Variants in TMEM132E observed in about 807,000 individuals in gnomAD.
TMEM132E encodes the protein transmembrane protein 132E.
Under a neutral mutation model 78.5 loss-of-function variants are expected in TMEM132E, and 49 were observed. The observed-to-expected ratio is 0.62, with a 90% CI of 0.50 to 0.79. The LOEUF (loss-of-function observed/expected upper bound fraction) is 0.79. TMEM132E is among the 30% of genes least tolerant of loss of function. The probability of loss-of-function intolerance (pLI) is 0.00; values close to 1 mark genes in which losing one functional copy is unlikely to be tolerated. For missense variants in TMEM132E, 1,403 were observed against 1,470.9 expected, an observed-to-expected ratio of 0.95 and a Z score of 0.75; for synonymous variants, 715 against 670.6, an observed-to-expected ratio of 1.07 and a Z score of -1.02.
intron 5 of TMEM132E, among the ~76,000 whole-genome samples, chr17:34,631,674 C>T (rs760241071): frequency 5.9e-5 from 9 of 152,240 alleles, no homozygotes; most frequent in South Asian, 4.1e-4. Context: ...GAGCTGGCAG[C>T]GTTTGGGATG....
intron 1 of TMEM132E, among the ~76,000 whole-genome samples, chr17:34,618,964 T>C (rs554178989): frequency 4.8e-4 from 73 of 152,324 alleles, no homozygotes; most frequent in South Asian, 1.9e-3. Context: ...CTCTTCTTTA[T>C]ACCCTTGGCC....
chr17:34,616,882 G>C (rs1417211824), intron 1 of TMEM132E, among the ~76,000 whole-genome samples: 1 of 152,224 alleles, frequency 6.6e-6, no homozygotes, highest in East Asian at 1.9e-4. Flanking sequence ...TGGTATCTTT[G>C]TGCAATTTAG....
chr17:34,583,023 C>G (rs1905548155), intron 1 of TMEM132E, among the ~76,000 whole-genome samples: 1 of 152,248 alleles, frequency 6.6e-6, no homozygotes, highest in African/African-American at 2.4e-5. Context: ...AGACGCAGTT[C>G]CAGCTGGGCC....
chr17:34,623,864 G>A lies in TMEM132E; in HGVS notation c.68-2263G>A, dbSNP rs1214826271. On this transcript the variant is annotated intron_variant, in intron 1 of 8. Transcript: ENST00000631683. Reference sequence around the variant, plus strand: ...TCCCCAGGCTGCAGGGACACGTTATGAGACCTAGGCACCAGCCAGAAAAGC... The same window carrying A: ...TCCCCAGGCTGCAGGGACACGTTATAAGACCTAGGCACCAGCCAGAAAAGC... Among the ~76,000 whole-genome samples the A allele has an allele frequency of 2.6e-5, 4 of 152,154 alleles. No homozygotes were observed. The East Asian group carries it at 7.7e-4, about 29-fold the overall frequency.
intron 1 of TMEM132E, among the ~76,000 whole-genome samples, chr17:34,622,374 C>G (rs1172589982): frequency 1.3e-5 from 2 of 152,202 alleles, no homozygotes; most frequent in East Asian, 3.9e-4. Flanking sequence ...GACTGAAGGG[C>G]CCCAGCAGGA....
At position 34,623,167 on chromosome 17, in the gene TMEM132E, AG is replaced by A. The variant is rs1004921947; in HGVS notation, c.68-2953del. Among the ~76,000 whole-genome samples, 4 of 152,206 alleles carry A rather than the reference AG, an allele frequency of 2.6e-5. No individual in the cohort carries two copies. In the East Asian group the frequency reaches 7.7e-4, roughly 29 times the overall value. On this transcript the variant is annotated intron_variant, in intron 1 of 8. Transcript: ENST00000631683. The stretch of plus-strand genomic sequence containing the variant: ...GTTTTGCCAGACCAGGTCCTCCCCC[AG>A]GGGGGGTGAGGGGATCCGGGTGGGG...
At position 34,605,067 on chromosome 17, in the gene TMEM132E, T is replaced by C. The variant is rs192626800; in HGVS notation, c.68-21060T>C. 3.9e-3 allele frequency among the ~76,000 whole-genome samples: 598 copies of C among 152,316 alleles called. 2 individuals carry two copies. Among genetic ancestry groups the C allele is most frequent in the Non-Finnish European group, 6.6e-3 (448 of 68,028 alleles). Reference sequence around the variant, plus strand: ...GCTGTCCAGAATCACTGGGTGATCCTGGATGGGGCCTGTGATTTCGTAGGC... The same window carrying C: ...GCTGTCCAGAATCACTGGGTGATCCCGGATGGGGCCTGTGATTTCGTAGGC... On this transcript the variant is annotated intron_variant, in intron 1 of 8. Coordinates refer to ENST00000631683, the MANE Select transcript of TMEM132E (RefSeq NM_001304438.2).
At chr17:34,631,315 C>G (rs369100124) in intron 5 of TMEM132E, among the ~76,000 whole-genome samples, 2 of 152,072 alleles carry the variant, frequency 1.3e-5, no homozygotes, top group Admixed American at 6.5e-5. Context: ...TGCATCACCC[C>G]CTTCAGAGAA....
rs1907262818 is a variant in TMEM132E, at chr17:34,629,176, A to T, written c.1310A>T (p.Asp437Val). Reference sequence around the variant, plus strand: ...ACTGAGCTGACGGTCATTCAGCGGGATGTGCAAGCCATCCTGCCCCTGGCC... The same window carrying T: ...ACTGAGCTGACGGTCATTCAGCGGGTTGTGCAAGCCATCCTGCCCCTGGCC... ...AVTELTVIQR[D>V]VQAILPLAMD... The change falls in exon 4 of 9, where the codon GAT (aspartate) becomes GTT (valine). Residue 437 changes from aspartate (D) to valine (V), a missense_variant. Transcript: ENST00000631683. The T allele has an allele frequency of 4.3e-6, 7 of 1,614,096 alleles. No individual in the cohort carries two copies. Among genetic ancestry groups the T allele is most frequent in the Non-Finnish European group, 5.9e-6 (7 of 1,179,992 alleles).
intron 4 of TMEM132E, among the ~76,000 whole-genome samples, chr17:34,629,725 A>G (rs1597691473): frequency 6.6e-6 from 1 of 152,124 alleles, no homozygotes; most frequent in East Asian, 1.9e-4. Context: ...GGAGCCTGGA[A>G]GCTGTTTAAG....
chr17:34,605,760 G>T (rs1224697123), intron 1 of TMEM132E, among the ~76,000 whole-genome samples: 1 of 152,160 alleles, frequency 6.6e-6, no homozygotes, highest in Non-Finnish European at 1.5e-5. Flanking sequence ...GTTGCTTTAG[G>T]CTGGGTTCAG....
At chr17:34,583,331 A>G (rs1317727698) in intron 1 of TMEM132E, among the ~76,000 whole-genome samples, 1 of 151,976 alleles carries the variant, frequency 6.6e-6, no homozygotes, top group African/African-American at 2.4e-5. Flanking sequence ...TGAGTCCTGA[A>G]CTCTCTTCTC....
intron 1 of TMEM132E, among the ~76,000 whole-genome samples, chr17:34,589,767 C>T (rs533654806): frequency 7.9e-5 from 12 of 152,298 alleles, no homozygotes; most frequent in South Asian, 2.1e-4. Context: ...CACCGCATGA[C>T]GGCTGCAGCC....
At chr17:34,634,542 A>G (rs1907451195) in intron 6 of TMEM132E, among the ~76,000 whole-genome samples, 2 of 152,226 alleles carry the variant, frequency 1.3e-5, no homozygotes, top group Non-Finnish European at 2.9e-5. Flanking sequence ...GACGCCAGCT[A>G]TTCCTAGGCT....
chr17:34,627,728 C>T (rs78908462), intron 2 of TMEM132E, among the ~76,000 whole-genome samples: 1,864 of 152,278 alleles, frequency 0.012, 46 homozygotes, highest in African/African-American at 0.042. Flanking sequence ...TCCTCAGCCC[C>T]AGGCACTATG....
At chr17:34,618,687 A>G (rs1906860553) in intron 1 of TMEM132E, among the ~76,000 whole-genome samples, 1 of 152,180 alleles carries the variant, frequency 6.6e-6, no homozygotes, top group African/African-American at 2.4e-5. Flanking sequence ...AGGAGGGCAG[A>G]GGAGTGCACC....
chr17:34,581,840 C>G (rs1033572285), intron 1 of TMEM132E, among the ~76,000 whole-genome samples: 14 of 152,018 alleles, frequency 9.2e-5, no homozygotes, highest in African/African-American at 3.1e-4. Flanking sequence ...CCAGGCTCGC[C>G]CCGGGCTCCG....
In TMEM132E at chr17:34,637,927, A is replaced by G. The variant is rs1210313880; in HGVS notation, c.2920A>G (p.Ser974Gly). 7.5e-6 allele frequency: 12 copies of G among 1,606,402 alleles called. No homozygotes were observed. Among genetic ancestry groups the G allele is most frequent in the Non-Finnish European group, 1.0e-5 (12 of 1,178,512 alleles). ...FCHGDHHSSG[S>G]SQTSVQSQVH... ...CCACGGCGACCACCACAGCAGCGGC[A>G]GCTCGCAGACCAGCGTCCAGAGCCA... Residue 974 changes from serine to glycine, a missense_variant, in exon 9 of 9, where the codon AGC becomes GGC. Around this residue, in one of 3 missense-constraint regions of TMEM132E, gnomAD observed 888 missense variants for 952.8 expected, o/e 0.93. Coordinates refer to ENST00000631683, the MANE Select transcript of TMEM132E (RefSeq NM_001304438.2).
In TMEM132E at chr17:34,626,507, G is replaced by A. The variant is rs780232333; in HGVS notation, c.448G>A (p.Gly150Ser). The A allele has an allele frequency of 5.6e-6, 9 of 1,609,360 alleles. No individual in the cohort carries two copies. The highest frequency in any genetic ancestry group is 2.7e-5 in the African/African-American group (2 of 74,912). ...PVVQVLFYVA[G>S]RDWDDFGVTE... ...GGTCCAGGTGCTGTTCTACGTAGCC[G>A]GCCGGGACTGGGACGACTTCGGCGT... Residue 150 changes from glycine (G) to serine (S), a missense_variant, in exon 2 of 9, where the codon GGC (glycine) becomes AGC (serine). Around this residue, in one of 3 missense-constraint regions of TMEM132E, gnomAD observed 511 missense variants for 499.0 expected, o/e 1.02. Transcript: ENST00000631683.
Sources: allele counts gnomAD v4.1 joint callset (sites outside exome capture counted in the v4.1 genomes callset), GRCh38; gene constraint gnomAD v4.1.1; regional missense constraint gnomAD v4.1.1; transcripts MANE v1.5; gene names NCBI Gene and HGNC (gene_info 2026-07-23, HGNC 2026-07-21).